Variants in MEGF11 observed in about 807,000 individuals in gnomAD.
The protein encoded by MEGF11 is multiple epidermal growth factor-like domains protein 11.
MEGF11 carries 126 observed loss-of-function variants against 146.6 expected under a neutral mutation model. The ratio of observed to expected loss-of-function variants is 0.86; its 90% confidence interval spans 0.74 to 1.00. MEGF11 has a LOEUF of 1.00. Among genes scored for constraint, MEGF11 ranks in the 50% least tolerant of loss-of-function variants. MEGF11 has a pLI of 0.00. For missense variants in MEGF11, 1,509 were observed against 1,521.2 expected (o/e 0.99, Z 0.13); for synonymous variants, 532 against 583.4 (o/e 0.91, Z 1.27).
chr15:66,128,280 C>T (rs1298179806), intron 2 of MEGF11, 26 bp downstream of exon 2: 2 of 1,431,898 alleles, frequency 1.4e-6, no homozygotes, highest in African/African-American at 1.5e-5. Context: ...CAGAGAGTGC[C>T]TGGCCATCTG....
chr15:66,218,814 G>A (rs940559673), intron 1 of MEGF11, among the ~76,000 whole-genome samples: 5 of 151,950 alleles, frequency 3.3e-5, no homozygotes, highest in East Asian at 3.9e-4. Context: ...ATGGCTTGCA[G>A]TGTGACTTCA....
rs1425960361 is a variant in MEGF11 at position 65,922,840 on chromosome 15, C to G, written c.1805G>C (p.Gly602Ala). The part of the protein sequence containing the change: ...GSCECAPGFR[G>A]PLCQRICPPG... ...AGCCTTACTTCTCTGGCATAAGGGT[C>G]CTCGGAAGCCAGGGGCACACTCGCA... The change falls in exon 14 of 26, where the codon GGA (glycine) becomes GCA (alanine). Residue 602 changes from glycine (G) to alanine (A), a missense_variant. Physicochemically the swap from Gly to Ala is moderately conservative, Grantham distance 60 (BLOSUM62 0). Transcript: ENST00000395614. 6.2e-7 allele frequency: 1 copy of G among 1,613,802 alleles called. No homozygotes were observed. The highest frequency in any genetic ancestry group is 8.5e-7 in the Non-Finnish European group (1 of 1,179,830).
intron 1 of MEGF11, among the ~76,000 whole-genome samples, chr15:66,184,283 C>T (rs1398869797): frequency 2.0e-5 from 3 of 152,266 alleles, no homozygotes; most frequent in South Asian, 2.1e-4. Flanking sequence ...TTCCTCCCCA[C>T]GCATCCCACA....
intron 1 of MEGF11, among the ~76,000 whole-genome samples, chr15:66,212,812 GAGCACC>G (rs2091496304): frequency 6.6e-6 from 1 of 152,184 alleles, no homozygotes; most frequent in South Asian, 2.1e-4. Context: ...AGCCATACAG[GAGCACC>G]AGCAGTTGGG....
chr15:65,964,810 T>C (rs2080996759), intron 9 of MEGF11, 98 bp downstream of exon 9: 1 of 1,150,794 alleles, frequency 8.7e-7, no homozygotes. Flanking sequence ...CCTGCCTGGA[T>C]GTCCATGCTA....
chr15:65,930,006 G>A, intron 11 of MEGF11, 123 bp from the exon 12 acceptor site: 1 of 953,492 alleles, frequency 1.0e-6, no homozygotes, highest in Non-Finnish European at 1.5e-6. Flanking sequence ...GGCTGGGTTA[G>A]AACACACATT....
intron 5 of MEGF11, among the ~76,000 whole-genome samples, chr15:66,088,432 C>A (rs923782919): frequency 2.3e-4 from 35 of 152,170 alleles, no homozygotes; most frequent in African/African-American, 7.5e-4. Context: ...TGAGTGGATC[C>A]CTTCAGGTCA....
intron 3 of MEGF11, 65 bp from the exon 4 acceptor site, chr15:66,119,251 A>G (rs1294733215): frequency 8.6e-7 from 1 of 1,157,738 alleles, no homozygotes; most frequent in Non-Finnish European, 1.3e-6. Context: ...TTAGAATGAT[A>G]TTTGTGTTAA....
chr15:66,180,396 G>A (rs1567274482), intron 1 of MEGF11, among the ~76,000 whole-genome samples: 1 of 152,170 alleles, frequency 6.6e-6, no homozygotes. Context: ...GAACCTCAAT[G>A]CCACACACAA....
At chr15:66,040,989 G>A (rs1424838044) in intron 5 of MEGF11, among the ~76,000 whole-genome samples, 1 of 151,142 alleles carries the variant, frequency 6.6e-6, no homozygotes, top group Non-Finnish European at 1.5e-5. Flanking sequence ...GACCATGCCT[G>A]TTTGGTCCTG....
chr15:66,097,158 T>A (rs1211079985), intron 4 of MEGF11, among the ~76,000 whole-genome samples: 1 of 152,242 alleles, frequency 6.6e-6, no homozygotes, highest in Non-Finnish European at 1.5e-5. Flanking sequence ...AATCCATTCA[T>A]ATTTCGTAAG....
Position 65,916,164 on chromosome 15 carries a change from C to T in MEGF11, c.2328G>A (p.Gly776=), listed in dbSNP as rs1190063657. ...GKCTCRTGFT[G]QHCEQRCAPG... ...GCAGCTTACTCTGCTCACAGTGTTG[C>T]CCGGTGAAGCCTGTGCGGCAGGTGC... The change falls in exon 18 of 26, where the codon GGG becomes GGA. Residue 776 remains glycine, a synonymous_variant. Transcript: ENST00000395614. The T allele has an allele frequency of 6.3e-7, 1 of 1,589,844 alleles. No homozygotes were observed. The highest frequency in any genetic ancestry group is 8.6e-7 in the Non-Finnish European group (1 of 1,167,726).
At chr15:66,189,081 T>C (rs929346827) in intron 1 of MEGF11, among the ~76,000 whole-genome samples, 1 of 152,088 alleles carries the variant, frequency 6.6e-6, no homozygotes, top group Admixed American at 6.5e-5. Context: ...GGAGGAGGGA[T>C]GGGGAGAGAA....
chr15:66,160,413 G>A (rs891733147), intron 1 of MEGF11, among the ~76,000 whole-genome samples: 16 of 152,098 alleles, frequency 1.1e-4, no homozygotes, highest in East Asian at 3.9e-4. Flanking sequence ...CAGTGACACC[G>A]TGGAACCACT....
At chr15:65,930,716 T>TG in intron 11 of MEGF11, 107 bp downstream of exon 11, 1 of 1,373,220 alleles carries the variant, frequency 7.3e-7, no homozygotes, top group African/African-American at 1.5e-5. Context: ...ACCTTGCATG[T>TG]GGGGGCGGGG....
chr15:66,182,585 A>AT (rs1173570474), intron 1 of MEGF11, among the ~76,000 whole-genome samples: 25 of 152,204 alleles, frequency 1.6e-4, no homozygotes, highest in Non-Finnish European at 4.4e-5. Context: ...AGAAAAAAAA[A>AT]TCAGAAGTTA....
At chr15:66,118,442 A>T (rs1376201974) in intron 4 of MEGF11, among the ~76,000 whole-genome samples, 2 of 152,292 alleles carry the variant, frequency 1.3e-5, no homozygotes, top group African/African-American at 4.8e-5. Flanking sequence ...CTTAGGGGAC[A>T]CTAAGGCCTG....
At chr15:66,207,523 G>A (rs2091330669) in intron 1 of MEGF11, among the ~76,000 whole-genome samples, 2 of 152,118 alleles carry the variant, frequency 1.3e-5, no homozygotes, top group South Asian at 4.1e-4. Context: ...CTCATTACTA[G>A]CAAATCTTCC....
At chr15:66,041,797 A>G (rs1330075086) in intron 5 of MEGF11, among the ~76,000 whole-genome samples, 1 of 152,226 alleles carries the variant, frequency 6.6e-6, no homozygotes, top group Non-Finnish European at 1.5e-5. Context: ...TTTAGGGCTC[A>G]TAATATCATC....
Sources: gnomAD v4.1 joint callset for allele counts (sites outside exome capture counted in the v4.1 genomes callset) on GRCh38, gnomAD v4.1.1 for gene constraint, MANE v1.5 for transcripts, NCBI Gene and HGNC (gene_info 2026-07-23, HGNC 2026-07-21) for gene names.